ESRRG: variants seen among roughly 807,000 people sequenced by gnomAD.
ESRRG encodes the protein estrogen-related receptor gamma.
A neutral mutation model predicts 44.0 loss-of-function variants in ESRRG; 13 were observed. The observed-to-expected ratio is 0.30, with a 90% confidence interval of 0.19 to 0.47. The LOEUF is 0.47. ESRRG is among the 20% of genes least tolerant of loss of function. ESRRG has a pLI of 1.00. For missense variants in ESRRG, 395 were observed against 580.6 expected, an observed-to-expected ratio of 0.68 and a Z score of 3.29; for synonymous variants, 215 against 214.6, an observed-to-expected ratio of 1.00 and a Z score of -0.02.
intron 1 of ESRRG, among the ~76,000 whole-genome samples, chr1:217,020,037 T>C (rs189283109): frequency 6.6e-6 from 1 of 152,258 alleles, no homozygotes; most frequent in East Asian, 1.9e-4. Context: ...GCCATGGACC[T>C]TCAGCCACAG....
At chr1:216,830,090 T>G (rs1559794226) in intron 2 of ESRRG, among the ~76,000 whole-genome samples, 1 of 152,300 alleles carries the variant, frequency 6.6e-6, no homozygotes, top group African/African-American at 2.4e-5. Flanking sequence ...CTGAAACTTT[T>G]AATGCGGGCC....
At chr1:216,846,232 G>C (rs1542002) in intron 2 of ESRRG, among the ~76,000 whole-genome samples, 1 of 151,736 alleles carries the variant, frequency 6.6e-6, no homozygotes, top group East Asian at 1.9e-4. Context: ...ATATTTCCAC[G>C]TCTTTACGTA....
chr1:216,873,941 G>T lies in ESRRG; in HGVS notation c.-14+65641C>A, dbSNP rs1274547180. The stretch of plus-strand genomic sequence containing the variant: ...GGGAAGGGAAGGGAAGGGAAGGGAA[G>T]GGAAGGGGAGTGGGGGAAGAGGGGA... On this transcript the variant is annotated intron_variant, in intron 2 of 7. Coordinates refer to the ESRRG transcript ENST00000359162. Among the ~76,000 whole-genome samples the T allele has an allele frequency of 2.0e-3, 206 of 103,128 alleles. 7 individuals are homozygous for T. Among genetic ancestry groups the T allele is most frequent in the African/African-American group, 9.0e-3 (202 of 22,454 alleles). 67.7% of individuals were successfully genotyped at this position (103,128 alleles called of 152,430 possible).
intron 2 of ESRRG, among the ~76,000 whole-genome samples, chr1:216,858,759 C>T (rs1358653879): frequency 6.6e-6 from 1 of 152,182 alleles, no homozygotes; most frequent in Admixed American, 6.5e-5. Flanking sequence ...AATCACAGTA[C>T]TGATCACATA....
At chr1:216,820,282 TAAGTTTA>T (rs1325110216) in intron 2 of ESRRG, among the ~76,000 whole-genome samples, 1 of 152,216 alleles carries the variant, frequency 6.6e-6, no homozygotes, top group African/African-American at 2.4e-5. Flanking sequence ...TTGAATGTTT[TAAGTTTA>T]TTCTTACATT....
Position 216,776,891 on chromosome 1 carries a change from T to G in ESRRG, c.-13-99400A>C, listed in dbSNP as rs11572627. Among the ~76,000 whole-genome samples the G allele has an allele frequency of 4.4e-3, 674 of 152,246 alleles. 13 individuals are homozygous for G. Among genetic ancestry groups the G allele is most frequent in the Admixed American group, 0.027 (418 of 15,272 alleles). On this transcript the variant is annotated intron_variant, in intron 2 of 7. Coordinates refer to the ESRRG transcript ENST00000359162. ...GACAGGGACAGAAGAGCCACACACC[T>G]TCACAACCATTGGGTATAGCATGTG...
At chr1:217,086,238 A>T (rs1353557062) in intron 1 of ESRRG, among the ~76,000 whole-genome samples, 1 of 152,196 alleles carries the variant, frequency 6.6e-6, no homozygotes, top group African/African-American at 2.4e-5. Flanking sequence ...GATATATAGT[A>T]TTTCCAAAAG....
At chr1:216,929,129 G>GA (rs1353494940) in intron 2 of ESRRG, among the ~76,000 whole-genome samples, 3 of 151,732 alleles carry the variant, frequency 2.0e-5, no homozygotes, top group South Asian at 2.1e-4. Flanking sequence ...AAAAATACTG[G>GA]AAAAAAAACC....
At chr1:216,759,140 T>C (rs111470747) in intron 2 of ESRRG, among the ~76,000 whole-genome samples, 3,428 of 152,238 alleles carry the variant, frequency 0.023, 57 homozygotes, top group Non-Finnish European at 0.031. Flanking sequence ...ATTCTGCAGT[T>C]CCTGGGAGAG....
intron 2 of ESRRG, among the ~76,000 whole-genome samples, chr1:216,835,957 T>C (rs2095558075): frequency 6.6e-6 from 1 of 152,014 alleles, no homozygotes. Context: ...TTCGATAGAG[T>C]CCCATTGTAT....
chr1:216,972,617 T>C (rs1560315678), intron 1 of ESRRG, among the ~76,000 whole-genome samples: 1 of 152,140 alleles, frequency 6.6e-6, no homozygotes, highest in African/African-American at 2.4e-5. Context: ...GAAGGTATGG[T>C]CTCAGCACTT....
At position 217,078,025 on chromosome 1, in the gene ESRRG, G is replaced by C. The variant is rs949633447; in HGVS notation, c.-106+11482C>G. 2.0e-5 allele frequency: 3 copies of C among 152,182 alleles called. No individual in the cohort carries two copies. In the East Asian group the frequency reaches 5.8e-4, roughly 29 times the overall value. 9.4% of individuals were successfully genotyped at this position (152,182 alleles called of 1,614,324 possible). A position where few individuals can be genotyped will look rare whatever the true frequency, so the allele number is the denominator to read the frequency against. ...TGTTTCCTCAGAACAAATTGAAAAT[G>C]AATGTAACATAACGTCGGAAAAATC... On this transcript the variant is annotated intron_variant, in intron 1 of 7. Coordinates refer to the ESRRG transcript ENST00000359162.
chr1:217,103,593 G>A (rs965085803), intron 1 of ESRRG, among the ~76,000 whole-genome samples: 7 of 151,978 alleles, frequency 4.6e-5, no homozygotes, highest in Non-Finnish European at 8.8e-5. Context: ...AGGCGTTTGA[G>A]GCTGCAGTGA....
upstream of ESRRG, among the ~76,000 whole-genome samples, chr1:217,090,703 A>T (rs2092328800): frequency 6.6e-6 from 1 of 152,180 alleles, no homozygotes; most frequent in African/African-American, 2.4e-5. Context: ...CTCGACTGAC[A>T]CATCATAAAA....
intron 1 of ESRRG, among the ~76,000 whole-genome samples, chr1:217,113,313 T>C (rs1379114169): frequency 6.6e-6 from 1 of 152,180 alleles, no homozygotes; most frequent in Non-Finnish European, 1.5e-5. Context: ...AACATGTGAC[T>C]GGCTTGATTT....
At chr1:216,890,817 C>T (rs1179387763) in intron 2 of ESRRG, among the ~76,000 whole-genome samples, 2 of 152,158 alleles carry the variant, frequency 1.3e-5, no homozygotes, top group East Asian at 3.9e-4. Flanking sequence ...CAAATTCACA[C>T]ACATACACAA....
chr1:216,913,204 AC>A (rs1217596188), intron 2 of ESRRG, among the ~76,000 whole-genome samples: 2 of 151,974 alleles, frequency 1.3e-5, no homozygotes, highest in Non-Finnish European at 2.9e-5. Flanking sequence ...ACATGTGCAG[AC>A]TTTTTTTCCT....
intron 1 of ESRRG, among the ~76,000 whole-genome samples, chr1:217,102,569 C>G (rs1393535451): frequency 6.6e-6 from 1 of 152,174 alleles, no homozygotes; most frequent in Non-Finnish European, 1.5e-5. Context: ...GAACCTTTCT[C>G]TGCACACTTT....
chr1:217,034,132 C>T (rs1490989863), intron 1 of ESRRG, among the ~76,000 whole-genome samples: 3 of 152,020 alleles, frequency 2.0e-5, no homozygotes, highest in Non-Finnish European at 4.4e-5. Context: ...ATAGGACCTA[C>T]AAAACAGTTA....
Sources: gnomAD v4.1 joint callset for allele counts (sites outside exome capture counted in the v4.1 genomes callset) on GRCh38, gnomAD v4.1.1 for gene constraint, MANE v1.5 for transcripts, NCBI Gene and HGNC (gene_info 2026-07-23, HGNC 2026-07-21) for gene names.